GLIPR1: variants seen among roughly 807,000 people sequenced by gnomAD.
GLIPR1 encodes GLI pathogenesis related 1.
In GLIPR1, 38 loss-of-function variants were observed where a neutral mutation model predicts 30.3. The observed-to-expected ratio is 1.26, with a 90% CI of 0.97 to 1.65. The LOEUF (loss-of-function observed/expected upper bound fraction) is 1.65. GLIPR1 is among the 40% of genes most tolerant of loss of function. The probability of loss-of-function intolerance (pLI) is 0.00; values close to 1 mark genes in which losing one functional copy is unlikely to be tolerated. For synonymous variants in GLIPR1, 122 were observed against 110.6 expected (o/e 1.10, Z -0.65); for missense variants, 285 against 326.5 (o/e 0.87, Z 0.98).
intron 2 of GLIPR1, among the ~76,000 whole-genome samples, chr12:75,482,675 T>C (rs2046276705): frequency 6.6e-6 from 1 of 151,890 alleles, no homozygotes; most frequent in African/African-American, 2.4e-5. Flanking sequence ...GAATCCATAT[T>C]ATTAGTCCCA....
Position 75,500,174 on chromosome 12 carries a change from A to G in GLIPR1, c.*1196A>G. ...TAAAACAAATCATAAAATACTTTAT[A>G]TATTAGTACAAGTATACATAAAAAT... On this transcript the variant is annotated 3_prime_UTR_variant, in exon 6 of 6. Coordinates refer to ENST00000266659, the MANE Select transcript of GLIPR1 (RefSeq NM_006851.3). 1 of 330,156 alleles carries G rather than the reference A, an allele frequency of 3.0e-6. No individual in the cohort carries two copies. 20.5% of individuals were successfully genotyped at this position (330,156 alleles called of 1,614,324 possible).
Position 75,498,936 on chromosome 12 carries a change from T to A in GLIPR1, c.759T>A (p.Ile253=). 2.5e-6 allele frequency: 4 copies of A among 1,609,888 alleles called. No individual in the cohort carries two copies. The highest frequency in any genetic ancestry group is 2.5e-6 in the Non-Finnish European group (3 of 1,177,250). Residue 253 remains isoleucine (I), a synonymous_variant, in exon 6 of 6, where the codon ATT becomes ATA. Coordinates refer to ENST00000266659, the MANE Select transcript of GLIPR1 (RefSeq NM_006851.3). ...VILILSVIIT[I]LVQHKYPNLV... Reference sequence around the variant, plus strand: ...TAATACTGTCTGTTATAATTACCATTTTGGTACAGCACAAGTACCCTAATT... The same window carrying A: ...TAATACTGTCTGTTATAATTACCATATTGGTACAGCACAAGTACCCTAATT...
intron 3 of GLIPR1, 38 bp from the exon 4 acceptor site, chr12:75,495,539 G>T: frequency 8.1e-7 from 1 of 1,241,978 alleles, no homozygotes; most frequent in South Asian, 1.2e-5. Context: ...TTAAAAAACC[G>T]AAAAACTTCT....
chr12:75,501,892 A>G lies in GLIPR1; in HGVS notation c.*2914A>G, dbSNP rs370277894. ...AATTCAAGTATCTATGAACTTTGCT[A>G]TTCATGTGAGCCAGACATAAAGTGC... On this transcript the variant is annotated 3_prime_UTR_variant, in exon 6 of 6. Transcript: ENST00000266659. 7 of 1,599,722 alleles carry G rather than the reference A, an allele frequency of 4.4e-6. No homozygotes were observed. In the African/African-American group the frequency reaches 5.4e-5, roughly 12 times the overall value.
chr12:75,503,747 C>A lies in GLIPR1; in HGVS notation c.*4769C>A. 1.7e-6 allele frequency: 1 copy of A among 597,140 alleles called. No individual in the cohort carries two copies. Among genetic ancestry groups the A allele is most frequent in the Non-Finnish European group, 2.8e-6 (1 of 363,256 alleles). The allele number at this position is 597,140 out of a possible 1,614,324, so 37.0% of individuals were successfully genotyped here. A position where few individuals can be genotyped will look rare whatever the true frequency, so the allele number is the denominator to read the frequency against. On this transcript the variant is annotated 3_prime_UTR_variant, in exon 6 of 6. Coordinates refer to ENST00000266659, the MANE Select transcript of GLIPR1 (RefSeq NM_006851.3). ...CCCCATGCACTCAGCTCAAAATATG[C>A]CTATTTATATTTACCCTCAGTTTCT...
In GLIPR1 at chr12:75,501,873, AG is replaced by A; in HGVS notation, c.*2896del. 3 of 1,583,860 alleles carry A rather than the reference AG, an allele frequency of 1.9e-6. No homozygotes were observed. Among genetic ancestry groups the A allele is most frequent in the Non-Finnish European group, 2.6e-6 (3 of 1,158,534 alleles). The stretch of plus-strand genomic sequence containing the variant: ...AATGTATTTATAGTTAAATAATTCA[AG>A]TATCTATGAACTTTGCTATTCATGT... On this transcript the variant is annotated 3_prime_UTR_variant, in exon 6 of 6. Coordinates refer to ENST00000266659, the MANE Select transcript of GLIPR1 (RefSeq NM_006851.3).
rs1184562686 is a variant in GLIPR1, at chr12:75,500,719, CCATT to C, written c.*1744_*1747del. The C allele has an allele frequency of 4.6e-5, 7 of 151,906 alleles. No individual in the cohort carries two copies. Among genetic ancestry groups the C allele is most frequent in the Admixed American group, 1.3e-4 (2 of 15,214 alleles). 9.4% of individuals were successfully genotyped at this position (151,906 alleles called of 1,614,324 possible). A position where few individuals can be genotyped will look rare whatever the true frequency, so the allele number is the denominator to read the frequency against. On this transcript the variant is annotated 3_prime_UTR_variant, in exon 6 of 6. Transcript: ENST00000266659. ...TGAAAAAGAATGCAACTTTTTCTTACCATTCAAAGTACAGGATCACAGCATAAAA... is the reference window on the plus strand; with the variant it reads ...TGAAAAAGAATGCAACTTTTTCTTACCAAAGTACAGGATCACAGCATAAAA...
chr12:75,502,123 G>A lies in GLIPR1; in HGVS notation c.*3145G>A, dbSNP rs2046398677. On this transcript the variant is annotated 3_prime_UTR_variant, in exon 6 of 6. Coordinates refer to ENST00000266659, the MANE Select transcript of GLIPR1 (RefSeq NM_006851.3). ...TCAAACTGATTTATTAATAAAAATGGTAGTGACATAAAGGAAACAGAGTCT... is the reference window on the plus strand; with the variant it reads ...TCAAACTGATTTATTAATAAAAATGATAGTGACATAAAGGAAACAGAGTCT... 1.0e-5 allele frequency: 8 copies of A among 771,594 alleles called. No individual in the cohort carries two copies. The highest frequency in any genetic ancestry group is 1.7e-5 in the African/African-American group (1 of 57,292). The allele number at this position is 771,594 out of a possible 1,614,324, so 47.8% of individuals were successfully genotyped here.
At chr12:75,489,776 C>G (rs2046311062) in intron 2 of GLIPR1, 2 of 152,296 alleles carry the variant, frequency 1.3e-5, no homozygotes, top group Non-Finnish European at 2.9e-5. Flanking sequence ...CCAAAATTAC[C>G]TGCTTCCTGT....
intron 2 of GLIPR1, among the ~76,000 whole-genome samples, chr12:75,488,174 A>C (rs2046302207): frequency 6.6e-6 from 1 of 152,162 alleles, no homozygotes; most frequent in South Asian, 2.1e-4. Context: ...CCTGTGACTT[A>C]GAATGCCTAA....
In GLIPR1 at chr12:75,499,309, A is replaced by AACATTATT. The variant is rs2046373697; in HGVS notation, c.*333_*340dup. The AACATTATT allele has an allele frequency of 5.5e-6, 1 of 181,530 alleles. No homozygotes were observed. The highest frequency in any genetic ancestry group is 1.1e-5 in the Non-Finnish European group (1 of 88,316). 11.2% of individuals were successfully genotyped at this position (181,530 alleles called of 1,614,324 possible). On this transcript the variant is annotated 3_prime_UTR_variant, in exon 6 of 6. Transcript: ENST00000266659. ...ACTCCAGTAGCCTTCATTAGTTAAA[A>AACATTATT]ACATTATTATTTTTTGCATGCTGCT...
intron 4 of GLIPR1, 145 bp downstream of exon 4, chr12:75,495,807 G>T: frequency 2.0e-6 from 1 of 507,932 alleles, no homozygotes; most frequent in Non-Finnish European, 3.6e-6. Context: ...ATGGCTTACT[G>T]TTCTAGGAAT....
chr12:75,489,661 TTACCTC>T (rs2046310656), intron 2 of GLIPR1: 2 of 152,190 alleles, frequency 1.3e-5, no homozygotes, highest in South Asian at 4.1e-4. Context: ...CCTTTTAACT[TTACCTC>T]TAAGCTGAGC....
rs2046318537 is a variant in GLIPR1 at position 75,490,655 on chromosome 12, A to G, written c.533+137A>G. On this transcript the variant is annotated intron_variant, in intron 3 of 5. Coordinates refer to ENST00000266659, the MANE Select transcript of GLIPR1 (RefSeq NM_006851.3). ...GATAAAGTATAAATAAAAAATTAAC[A>G]TAACCTTTAATTCTTCTGCCCAGAG... is the stretch of plus-strand genomic sequence containing the variant. The G allele has an allele frequency of 3.0e-5, 17 of 567,622 alleles. No individual in the cohort carries two copies. The East Asian group carries it at 5.1e-4, about 17-fold the overall frequency. 35.2% of individuals were successfully genotyped at this position (567,622 alleles called of 1,614,324 possible).
In GLIPR1 at chr12:75,500,787, A is replaced by C. The variant is rs928085328; in HGVS notation, c.*1809A>C. 1 of 152,088 alleles carries C rather than the reference A, an allele frequency of 6.6e-6. No individual in the cohort carries two copies. Among genetic ancestry groups the C allele is most frequent in the African/African-American group, 2.4e-5 (1 of 41,444 alleles). 9.4% of individuals were successfully genotyped at this position (152,088 alleles called of 1,614,324 possible). ...AAACATCAAACTACCCAGCAACCTG[A>C]GAAGCACAGAGTGTTAAAGCCTCCA... On this transcript the variant is annotated 3_prime_UTR_variant, in exon 6 of 6. Coordinates refer to ENST00000266659, the MANE Select transcript of GLIPR1 (RefSeq NM_006851.3).
At chr12:75,489,471 C>T (rs1208992291) in intron 2 of GLIPR1, among the ~76,000 whole-genome samples, 2 of 152,122 alleles carry the variant, frequency 1.3e-5, no homozygotes, top group African/African-American at 4.8e-5. Context: ...GGACTGCAGC[C>T]ACCAAGTTAA....
chr12:75,482,646 T>C (rs1016587295), intron 2 of GLIPR1, among the ~76,000 whole-genome samples: 1 of 151,878 alleles, frequency 6.6e-6, no homozygotes, highest in Non-Finnish European at 1.5e-5. Flanking sequence ...TGAACCATTC[T>C]GAGGGTATTC....
intron 3 of GLIPR1, chr12:75,490,959 A>G (rs1439768401): frequency 2.6e-5 from 4 of 153,652 alleles, no homozygotes; most frequent in African/African-American, 9.7e-5. Context: ...TTTACTTTTG[A>G]CAGTTGTTTT....
chr12:75,490,714 T>C (rs1347314328), intron 3 of GLIPR1, 196 bp downstream of exon 3: 6 of 499,668 alleles, frequency 1.2e-5, no homozygotes, highest in African/African-American at 9.9e-5. Flanking sequence ...ACATTTTTCT[T>C]GGAGAGAGAG....
Sources: gnomAD v4.1 joint callset for allele counts (sites outside exome capture counted in the v4.1 genomes callset) on GRCh38, gnomAD v4.1.1 for gene constraint, MANE v1.5 for transcripts, NCBI Gene and HGNC (gene_info 2026-07-23, HGNC 2026-07-21) for gene names.